UNC80: variants seen among roughly 807,000 people sequenced by gnomAD.
UNC80 encodes protein unc-80 homolog.
UNC80 carries 164 observed loss-of-function variants against 384.6 expected under a neutral mutation model. The ratio of observed to expected loss-of-function variants is 0.43; its 90% CI spans 0.38 to 0.49. UNC80 has a LOEUF of 0.49. UNC80 is among the 20% of genes least tolerant of loss of function. The probability of loss-of-function intolerance (pLI) is 0.00; values close to 1 mark genes in which losing one functional copy is unlikely to be tolerated. For missense variants in UNC80, 3,330 were observed against 4,143.0 expected, an observed-to-expected ratio of 0.80 and a Z score of 5.39; for synonymous variants, 1,486 against 1,527.8, an observed-to-expected ratio of 0.97 and a Z score of 0.64.
At chr2:209,813,540 T>C (rs1559132398) in intron 7 of UNC80, 40 bp from the exon 8 acceptor site, 1 of 1,533,854 alleles carries the variant, frequency 6.5e-7, no homozygotes, top group South Asian at 1.2e-5. Context: ...TCTGAAAGCT[T>C]GATTGTCAGT....
chr2:209,991,922 A>G (rs576268338), intron 61 of UNC80, among the ~76,000 whole-genome samples: 1 of 152,272 alleles, frequency 6.6e-6, no homozygotes, highest in East Asian at 1.9e-4. Flanking sequence ...ATGTTTTCTG[A>G]ATGATAGATA....
chr2:209,810,619 G>C (rs2153827031), intron 7 of UNC80, among the ~76,000 whole-genome samples: 1 of 152,242 alleles, frequency 6.6e-6, no homozygotes, highest in East Asian at 1.9e-4. Context: ...CTCATATGGA[G>C]CACTGCTCTA....
rs1209611309 is a variant in UNC80 at position 209,937,546 on chromosome 2, T to A, written c.6381T>A (p.Ile2127=). 1.3e-6 allele frequency: 2 copies of A among 1,551,292 alleles called. No individual in the cohort carries two copies. Among genetic ancestry groups the A allele is most frequent in the Non-Finnish European group, 1.7e-6 (2 of 1,146,514 alleles). Residue 2127 remains isoleucine, a synonymous_variant, in exon 42 of 65, where the codon ATT becomes ATA. Coordinates refer to ENST00000673920, the MANE Select transcript of UNC80 (RefSeq NM_001371986.1). The stretch of plus-strand genomic sequence containing the variant: ...CCACACAGACCTATGTTCGAGATAT[T>A]TATCCTTTCCGGAGGTCAGTATCTC... ...IHYNKTYVRD[I]YPFRRSVSPQ...
chr2:209,876,520 T>C (rs1009163379), intron 23 of UNC80, among the ~76,000 whole-genome samples: 10 of 152,178 alleles, frequency 6.6e-5, no homozygotes, highest in Non-Finnish European at 1.0e-4. Flanking sequence ...GAGCAGCCCT[T>C]TAAGCTTTAT....
intron 35 of UNC80, among the ~76,000 whole-genome samples, chr2:209,922,702 AG>A (rs1316582801): frequency 6.6e-6 from 1 of 152,228 alleles, no homozygotes; most frequent in African/African-American, 2.4e-5. Flanking sequence ...AAGCTTAAAA[AG>A]AAAGTTCCTA....
intron 22 of UNC80, among the ~76,000 whole-genome samples, chr2:209,864,807 C>G (rs559798653): frequency 6.6e-6 from 1 of 152,336 alleles, no homozygotes; most frequent in Non-Finnish European, 1.5e-5. Context: ...GCGAGTCCCA[C>G]TGCTGGCTGC....
chr2:209,938,025 C>G (rs1368478817), intron 42 of UNC80, among the ~76,000 whole-genome samples: 2 of 151,668 alleles, frequency 1.3e-5, no homozygotes, highest in Non-Finnish European at 2.9e-5. Context: ...AGGGGTCACT[C>G]TAGTATGCTT....
chr2:209,800,346 A>G (rs2078460438), intron 7 of UNC80, among the ~76,000 whole-genome samples: 2 of 152,008 alleles, frequency 1.3e-5, no homozygotes, highest in African/African-American at 4.8e-5. Context: ...TTATTTGCAT[A>G]GAGGTGTTTA....
At chr2:209,902,965 A>G (rs2087595668) in intron 28 of UNC80, among the ~76,000 whole-genome samples, 1 of 145,950 alleles carries the variant, frequency 6.9e-6, no homozygotes. Flanking sequence ...CTTGGTATCC[A>G]TGGGGATTGG....
Position 209,973,181 on chromosome 2 carries a change from C to A in UNC80, c.8498C>A (p.Ser2833Tyr). ...SRSKNFMLES[S>Y]PAHCSTPGDA... Reference sequence around the variant, plus strand: ...AGCAAGAACTTCATGTTAGAGAGCTCCCCAGCCCACTGCTCCACCCCTGGG... The same window carrying A: ...AGCAAGAACTTCATGTTAGAGAGCTACCCAGCCCACTGCTCCACCCCTGGG... The change falls in exon 56 of 65, where the codon TCC (serine) becomes TAC (tyrosine). Residue 2833 changes from serine (S) to tyrosine (Y), a missense_variant. Around this residue, in one of 8 missense-constraint regions of UNC80, gnomAD observed 1,049 missense variants for 1,488.6 expected, o/e 0.70. Coordinates refer to ENST00000673920, the MANE Select transcript of UNC80 (RefSeq NM_001371986.1). 1 of 1,551,666 alleles carries A rather than the reference C, an allele frequency of 6.4e-7. No homozygotes were observed. The highest frequency in any genetic ancestry group is 8.7e-7 in the Non-Finnish European group (1 of 1,146,996).
chr2:209,883,576 GC>G (rs2085493388), intron 25 of UNC80, among the ~76,000 whole-genome samples: 1 of 151,580 alleles, frequency 6.6e-6, no homozygotes, highest in Non-Finnish European at 1.5e-5. Flanking sequence ...GACTACAGAC[GC>G]CCACCACCAT....
intron 59 of UNC80, among the ~76,000 whole-genome samples, chr2:209,980,282 A>T (rs936429036): frequency 2.0e-5 from 3 of 152,234 alleles, no homozygotes; most frequent in Non-Finnish European, 4.4e-5. Flanking sequence ...ATAGGAAATG[A>T]TATCACCTAT....
At chr2:209,775,119 A>G (rs1003567130) in intron 2 of UNC80, among the ~76,000 whole-genome samples, 1 of 152,218 alleles carries the variant, frequency 6.6e-6, no homozygotes, top group Non-Finnish European at 1.5e-5. Flanking sequence ...CCAACACCTT[A>G]CAGTGATATT....
At chr2:209,955,136 CT>C (rs927281098) in intron 48 of UNC80, among the ~76,000 whole-genome samples, 2 of 152,068 alleles carry the variant, frequency 1.3e-5, no homozygotes, top group African/African-American at 4.8e-5. Context: ...GGTTTAGTGT[CT>C]TTGCTCCTCC....
chr2:209,956,323 T>C (rs538589771), intron 48 of UNC80, among the ~76,000 whole-genome samples: 160 of 152,326 alleles, frequency 1.1e-3, no homozygotes, highest in South Asian at 2.9e-3. Flanking sequence ...GCTCAGGGTT[T>C]CTCAAGGTGG....
chr2:209,821,979 T>A (rs953777139), intron 13 of UNC80, among the ~76,000 whole-genome samples: 5 of 152,216 alleles, frequency 3.3e-5, no homozygotes, highest in African/African-American at 1.2e-4. Flanking sequence ...TTTTCACATC[T>A]GAGCAAGCGT....
chr2:209,852,415 T>C (rs1305543223), intron 22 of UNC80, among the ~76,000 whole-genome samples: 2 of 152,048 alleles, frequency 1.3e-5, no homozygotes, highest in African/African-American at 2.4e-5. Flanking sequence ...GGCAGAGGTG[T>C]TGGTAGAGAA....
intron 22 of UNC80, among the ~76,000 whole-genome samples, chr2:209,859,360 G>A (rs1451058721): frequency 2.6e-5 from 4 of 152,030 alleles, no homozygotes; most frequent in East Asian, 1.9e-4. Context: ...TGCAAAGGAC[G>A]TTATCTCATT....
intron 18 of UNC80, among the ~76,000 whole-genome samples, chr2:209,836,550 TTTC>T (rs1407317634): frequency 6.6e-6 from 1 of 152,250 alleles, no homozygotes; most frequent in African/African-American, 2.4e-5. Flanking sequence ...ACATCTATTC[TTTC>T]TTCTTATGTG....
Sources: gnomAD v4.1 joint callset for allele counts (sites outside exome capture counted in the v4.1 genomes callset) on GRCh38, gnomAD v4.1.1 for gene constraint, gnomAD v4.1.1 regional missense constraint, MANE v1.5 for transcripts, NCBI Gene and HGNC (gene_info 2026-07-23, HGNC 2026-07-21) for gene names.